Variants in LPCAT3 observed in about 807,000 individuals in gnomAD.
LPCAT3 encodes the protein lysophospholipid acyltransferase 5.
Under a neutral mutation model 63.4 loss-of-function variants are expected in LPCAT3, and 21 were observed. That is an observed-to-expected ratio of 0.33 (90% CI 0.23 to 0.48). The LOEUF (loss-of-function observed/expected upper bound fraction) is 0.48. Among genes scored for constraint, LPCAT3 ranks in the 20% least tolerant of loss-of-function variants. The pLI is 0.99. For missense variants in LPCAT3, 451 were observed against 590.6 expected, an observed-to-expected ratio of 0.76 and a Z score of 2.45; for synonymous variants, 242 against 227.5, an observed-to-expected ratio of 1.06 and a Z score of -0.58.
intron 1 of LPCAT3, among the ~76,000 whole-genome samples, chr12:6,993,162 G>A (rs777057353): frequency 2.0e-5 from 3 of 151,998 alleles, no homozygotes; most frequent in East Asian, 1.9e-4. Flanking sequence ...GGTTGTCGCC[G>A]GGCATGGTGG....
chr12:7,018,449 A>AC lies in LPCAT3; in HGVS notation c.-26dup, dbSNP rs782673349. Reference sequence around the variant, plus strand: ...TCTTAACTCCGGGAGCCCCACAGGGACCCCCCAGCTCCGCGCGCCCCGAAT... The same window carrying AC: ...TCTTAACTCCGGGAGCCCCACAGGGACCCCCCCAGCTCCGCGCGCCCCGAAT... On this transcript the variant is annotated 5_prime_UTR_variant, in exon 1 of 13. Transcript: ENST00000261407. This position sits in a 1 kb window ranked among gnomAD's most constrained non-coding sequence, Gnocchi z 4.9. 1.0e-4 allele frequency: 157 copies of AC among 1,571,502 alleles called. No individual in the cohort carries two copies. Among genetic ancestry groups the AC allele is most frequent in the Admixed American group, 1.6e-4 (9 of 55,820 alleles).
chr12:6,981,404 T>C, intron 5 of LPCAT3, 191 bp downstream of exon 5: 3 of 709,600 alleles, frequency 4.2e-6, no homozygotes, highest in South Asian at 3.5e-5. Flanking sequence ...CTCTGGACTT[T>C]GTGCAAGAGC....
intron 1 of LPCAT3, among the ~76,000 whole-genome samples, chr12:6,994,829 C>T (rs782547238): frequency 3.9e-5 from 6 of 152,280 alleles, no homozygotes; most frequent in African/African-American, 7.2e-5. Flanking sequence ...CCCATCTTTC[C>T]GTTTCTTTCA....
rs1030651218 is a variant in LPCAT3, at chr12:6,980,364, T to A, written c.677+640A>T. ...TCCTGCATTTCCTACTGATAAATAT[T>A]TTTGAGACAGGATTTTGCTATGTTG... is the stretch of plus-strand genomic sequence containing the variant. On this transcript the variant is annotated intron_variant, in intron 6 of 12. Transcript: ENST00000261407. Among the ~76,000 whole-genome samples, 6 of 152,054 alleles carry A rather than the reference T, an allele frequency of 3.9e-5. No homozygotes were observed. In the South Asian group the frequency reaches 1.2e-3, roughly 32 times the overall value.
intron 1 of LPCAT3, among the ~76,000 whole-genome samples, chr12:7,000,482 G>A (rs1168886761): frequency 1.4e-5 from 2 of 147,878 alleles, no homozygotes; most frequent in East Asian, 2.2e-4. Flanking sequence ...CAGCTACTCG[G>A]GAGGCTGAGG....
At chr12:7,010,184 T>C (rs183390389) in intron 1 of LPCAT3, among the ~76,000 whole-genome samples, 1 of 152,356 alleles carries the variant, frequency 6.6e-6, no homozygotes, top group Admixed American at 6.5e-5. Flanking sequence ...CGATCTTCTA[T>C]TGTTCTGGTT....
At position 6,981,140 on chromosome 12, in the gene LPCAT3, C is replaced by T. The variant is rs782210792; in HGVS notation, c.541G>A (p.Val181Ile). 1.5e-5 allele frequency: 24 copies of T among 1,613,656 alleles called. No homozygotes were observed. Among genetic ancestry groups the T allele is most frequent in the Non-Finnish European group, 2.0e-5 (24 of 1,179,816 alleles). Residue 181 changes from valine (V) to isoleucine (I), a missense_variant, in exon 6 of 13, where the codon GTT becomes ATT. Transcript: ENST00000261407. ...CCAGCAACTTCCAGCAGGGAAGGAA[C>T]ACCACGTATGGCATATTTCTGTTGC... is the stretch of plus-strand genomic sequence containing the variant. ...SEQQKYAIRG[V>I]PSLLEVAGFS... is the part of the protein sequence containing the mutation.
Position 6,987,052 on chromosome 12 carries a change from G to T in LPCAT3, c.152-3513C>A, listed in dbSNP as rs1946535318. ...TGCTTGAACCCAGGAGGCGGAGGTG[G>T]CAGTGAGCTGAGATCACGCCATTGC... On this transcript the variant is annotated intron_variant, in intron 1 of 12. Transcript: ENST00000261407. The surrounding 1 kb of genome is among the most constrained non-coding windows in gnomAD (Gnocchi z 4.1). Among the ~76,000 whole-genome samples the T allele has an allele frequency of 6.6e-6, 1 of 151,868 alleles. No homozygotes were observed. The highest frequency in any genetic ancestry group is 1.5e-5 in the Non-Finnish European group (1 of 67,998).
Position 7,018,225 on chromosome 12 carries a change from AC to A in LPCAT3, c.151+48del, listed in dbSNP as rs1946808286. On this transcript the variant is annotated intron_variant, in intron 1 of 12. Transcript: ENST00000261407. This position sits in a 1 kb window ranked among gnomAD's most constrained non-coding sequence, Gnocchi z 4.9. ...GAGGTCCTGTCCCCATTCCTCCCCT[AC>A]TCCCCGGGGACTCCGCGAGGGGCGG... 6.4e-7 allele frequency: 1 copy of A among 1,559,088 alleles called. No individual in the cohort carries two copies. Among genetic ancestry groups the A allele is most frequent in the South Asian group, 1.2e-5 (1 of 84,768 alleles).
rs782130748 is a variant in LPCAT3 at position 7,005,830 on chromosome 12, T to C, written c.151+12444A>G. 7.2e-5 allele frequency among the ~76,000 whole-genome samples: 11 copies of C among 152,364 alleles called. No individual in the cohort carries two copies. In the South Asian group the frequency reaches 2.1e-3, roughly 29 times the overall value. On this transcript the variant is annotated intron_variant, in intron 1 of 12. Coordinates refer to ENST00000261407, the MANE Select transcript of LPCAT3 (RefSeq NM_005768.6). ...TTTAGACATCTGAATACTAGACTTA[T>C]GATTTACAAATATTTTCTCCTATTC...
chr12:6,982,886 CTT>C (rs1230027452), intron 2 of LPCAT3, 104 bp from the exon 3 acceptor site: 1 of 728,002 alleles, frequency 1.4e-6, no homozygotes, highest in African/African-American at 1.8e-5. Flanking sequence ...GCATCAGGAT[CTT>C]TTTTTTCAGA....
At chr12:7,001,347 G>C in intron 1 of LPCAT3, 1 of 436,508 alleles carries the variant, frequency 2.3e-6, no homozygotes, top group Non-Finnish European at 4.6e-6. Context: ...AGATATCCAA[G>C]ATTGTATAAG....
At chr12:6,999,976 G>A (rs1946670531) in intron 1 of LPCAT3, among the ~76,000 whole-genome samples, 1 of 143,306 alleles carries the variant, frequency 7.0e-6, no homozygotes, top group Non-Finnish European at 1.5e-5. Flanking sequence ...CTGGAGTGCA[G>A]TAGTGCAGTC....
intron 1 of LPCAT3, among the ~76,000 whole-genome samples, chr12:6,994,841 C>T (rs1332596141): frequency 1.3e-5 from 2 of 152,148 alleles, no homozygotes; most frequent in Admixed American, 6.5e-5. Context: ...TTTCTTTCAC[C>T]GAAGGCATTT....
chr12:6,991,942 A>G lies in LPCAT3; in HGVS notation c.152-8403T>C, dbSNP rs143091113. 2.7e-3 allele frequency among the ~76,000 whole-genome samples: 418 copies of G among 152,288 alleles called. 3 individuals are homozygous for G. Among genetic ancestry groups the G allele is most frequent in the African/African-American group, 9.1e-3 (378 of 41,574 alleles). On this transcript the variant is annotated intron_variant, in intron 1 of 12. Transcript: ENST00000261407. ...TCAGGCATGGTGGCCCACACCTCCC[A>G]GCACTCTGGGAGGCCAAGACGGGTA...
chr12:7,000,683 T>TATATA (rs1946678400), intron 1 of LPCAT3, among the ~76,000 whole-genome samples: 1 of 152,036 alleles, frequency 6.6e-6, no homozygotes, highest in Non-Finnish European at 1.5e-5. Context: ...CTAAATATTT[T>TATATA]ATATAAGCAT....
chr12:6,989,411 G>A (rs1033651435), intron 1 of LPCAT3, among the ~76,000 whole-genome samples: 33 of 149,582 alleles, frequency 2.2e-4, no homozygotes, highest in Non-Finnish European at 3.5e-4. Context: ...CCGGGTTCAC[G>A]CCATTCTCCT....
chr12:7,017,254 G>T lies in LPCAT3; in HGVS notation c.151+1020C>A, dbSNP rs1285213357. On this transcript the variant is annotated intron_variant, in intron 1 of 12. Transcript: ENST00000261407. The surrounding 1 kb of genome is among the most constrained non-coding windows in gnomAD (Gnocchi z 4.1). Reference sequence around the variant, plus strand: ...TAAAGTTCTATAACCTTCATAAAACGTTCCAACTGCTTAAATTTTATGTAT... The same window carrying T: ...TAAAGTTCTATAACCTTCATAAAACTTTCCAACTGCTTAAATTTTATGTAT... Among the ~76,000 whole-genome samples the T allele has an allele frequency of 5.3e-5, 8 of 152,042 alleles. No individual in the cohort carries two copies. The highest frequency in any genetic ancestry group is 8.8e-5 in the Non-Finnish European group (6 of 68,014).
intron 1 of LPCAT3, chr12:7,001,613 A>C: frequency 2.4e-6 from 1 of 422,204 alleles, no homozygotes. Context: ...GCTGGGGCTG[A>C]CAGGTAGGCA....
Sources: gnomAD v4.1 joint callset for allele counts (sites outside exome capture counted in the v4.1 genomes callset) on GRCh38, gnomAD v4.1.1 for gene constraint, Gnocchi (gnomAD v3.1) non-coding constraint, MANE v1.5 for transcripts, NCBI Gene and HGNC (gene_info 2026-07-23, HGNC 2026-07-21) for gene names.